FGGY: variants seen among roughly 807,000 people sequenced by gnomAD.
FGGY encodes the protein FGGY carbohydrate kinase domain-containing protein.
FGGY carries 72 observed loss-of-function variants against 71.3 expected under a neutral mutation model. The observed-to-expected ratio is 1.01, with a 90% CI of 0.84 to 1.23. FGGY has a LOEUF of 1.23. Among genes scored for constraint, FGGY ranks in the 50% most tolerant of loss-of-function variants. The pLI is 0.00. For synonymous variants in FGGY, 251 were observed against 250.3 expected (o/e 1.00, Z -0.02); for missense variants, 668 against 682.3 (o/e 0.98, Z 0.23).
At chr1:59,409,296 T>G (rs1571779121) in intron 5 of FGGY, among the ~76,000 whole-genome samples, 1 of 152,286 alleles carries the variant, frequency 6.6e-6, no homozygotes, top group Non-Finnish European at 1.5e-5. Context: ...ACACTTTCAT[T>G]TGTCCCTTTC....
intron 14 of FGGY, among the ~76,000 whole-genome samples, chr1:59,688,877 G>C (rs981541051): frequency 6.6e-6 from 1 of 151,802 alleles, no homozygotes; most frequent in Non-Finnish European, 1.5e-5. Context: ...AGCCTCCCAA[G>C]TAGCTGGGAT....
chr1:59,500,813 G>C (rs10889140), intron 6 of FGGY, among the ~76,000 whole-genome samples: 54,120 of 151,700 alleles, frequency 0.36, 10,251 homozygotes, highest in African/African-American at 0.47. Context: ...GTAATTTAGC[G>C]TTCGTTGAGG....
In FGGY at chr1:59,641,251, A is replaced by G. The variant is rs778075293; in HGVS notation, c.1221+2876A>G. The G allele has an allele frequency of 8.6e-5, 136 of 1,590,472 alleles. 1 individual carries two copies. Among genetic ancestry groups the G allele is most frequent in the Middle Eastern group, 3.4e-4 (2 of 5,960 alleles). On this transcript the variant is annotated intron_variant, in intron 11 of 15. Coordinates refer to ENST00000303721, the MANE Select transcript of FGGY (RefSeq NM_018291.5). ...CCTTTAGCATTTTATCTTAATAATA[A>G]AAAAAGAAAATTTTCTCGGATTTCT...
intron 1 of FGGY, among the ~76,000 whole-genome samples, chr1:59,311,263 CT>C (rs945352953): frequency 6.7e-6 from 1 of 150,066 alleles, no homozygotes; most frequent in African/African-American, 2.5e-5. Flanking sequence ...TTTAAAGATT[CT>C]TTTTTTTCAA....
At chr1:59,629,767 G>T (rs1368540883) in intron 10 of FGGY, among the ~76,000 whole-genome samples, 1 of 152,166 alleles carries the variant, frequency 6.6e-6, no homozygotes, top group Non-Finnish European at 1.5e-5. Flanking sequence ...GCTCCAACAT[G>T]TATCATTGTG....
chr1:59,648,727 T>C (rs2097125586), intron 11 of FGGY, among the ~76,000 whole-genome samples: 1 of 151,344 alleles, frequency 6.6e-6, no homozygotes, highest in Non-Finnish European at 1.5e-5. Context: ...GTAGTTTCTT[T>C]TGCTGTGCAG....
At chr1:59,532,172 G>A (rs2798653) in intron 7 of FGGY, among the ~76,000 whole-genome samples, 60,481 of 152,068 alleles carry the variant, frequency 0.4, 14,601 homozygotes, top group African/African-American at 0.67. Flanking sequence ...AGAAAAAGAA[G>A]TGGGGATTCT....
chr1:59,708,983 C>T (rs2097774738), intron 14 of FGGY, among the ~76,000 whole-genome samples: 2 of 152,314 alleles, frequency 1.3e-5, no homozygotes, highest in East Asian at 3.9e-4. Context: ...AAGGGCTCAA[C>T]CTTTTAAACT....
At chr1:59,452,650 G>A (rs961800617) in intron 5 of FGGY, among the ~76,000 whole-genome samples, 3 of 152,158 alleles carry the variant, frequency 2.0e-5, no homozygotes, top group Admixed American at 2.0e-4. Context: ...TAGGTTTTTA[G>A]TATCTATTCT....
chr1:59,661,865 G>A (rs1459274285), intron 12 of FGGY, among the ~76,000 whole-genome samples: 6 of 151,222 alleles, frequency 4.0e-5, no homozygotes, highest in South Asian at 2.1e-4. Context: ...GACTACAGGC[G>A]CATGCCACCA....
intron 7 of FGGY, among the ~76,000 whole-genome samples, chr1:59,534,041 G>C (rs894570573): frequency 6.6e-6 from 1 of 152,178 alleles, no homozygotes; most frequent in Non-Finnish European, 1.5e-5. Flanking sequence ...CCGAGCTACG[G>C]GAGGACATTC....
chr1:59,556,052 T>G (rs779681133), intron 8 of FGGY, among the ~76,000 whole-genome samples: 14 of 152,212 alleles, frequency 9.2e-5, no homozygotes, highest in Non-Finnish European at 1.6e-4. Flanking sequence ...GCAGCCCTTT[T>G]GTAAGGCTCA....
At chr1:59,611,273 C>T (rs1255003032) in intron 9 of FGGY, among the ~76,000 whole-genome samples, 2 of 152,116 alleles carry the variant, frequency 1.3e-5, no homozygotes, top group Non-Finnish European at 2.9e-5. Flanking sequence ...CAGTAGGGGC[C>T]GACTGACACC....
intron 8 of FGGY, among the ~76,000 whole-genome samples, chr1:59,584,940 T>C (rs184668651): frequency 7.3e-6 from 1 of 137,086 alleles, no homozygotes; most frequent in African/African-American, 3.2e-5. Context: ...GAGAATAAAA[T>C]AGCTAGGAAT....
chr1:59,656,604 T>G (rs578027189), intron 11 of FGGY, among the ~76,000 whole-genome samples: 16 of 152,324 alleles, frequency 1.1e-4, no homozygotes, highest in African/African-American at 3.4e-4. Flanking sequence ...ACTTGAGAGA[T>G]AAATATCTTT....
intron 14 of FGGY, among the ~76,000 whole-genome samples, chr1:59,723,008 A>G (rs1393468887): frequency 2.6e-5 from 4 of 152,162 alleles, no homozygotes; most frequent in Non-Finnish European, 4.4e-5. Context: ...CATGTTAGCC[A>G]GGATGGTCTC....
chr1:59,661,919 C>G (rs2097278361), intron 12 of FGGY, among the ~76,000 whole-genome samples: 1 of 150,948 alleles, frequency 6.6e-6, no homozygotes, highest in Non-Finnish European at 1.5e-5. Context: ...TGGGGTTTCA[C>G]CATGTTGGCC....
intron 4 of FGGY, among the ~76,000 whole-genome samples, chr1:59,372,203 G>T (rs187475908): frequency 1.1e-4 from 17 of 151,992 alleles, no homozygotes; most frequent in Non-Finnish European, 1.9e-4. Flanking sequence ...TCAAATAGAC[G>T]CAATTAAAAA....
At chr1:59,469,643 T>C (rs974053341) in intron 6 of FGGY, among the ~76,000 whole-genome samples, 2 of 152,216 alleles carry the variant, frequency 1.3e-5, no homozygotes, top group East Asian at 1.9e-4. Context: ...TTTTGTTACA[T>C]AGGTAAACTT....
Sources: allele counts gnomAD v4.1 joint callset (sites outside exome capture counted in the v4.1 genomes callset), GRCh38; gene constraint gnomAD v4.1.1; transcripts MANE v1.5; gene names NCBI Gene and HGNC (gene_info 2026-07-23, HGNC 2026-07-21).